Variants in HNF4A observed in about 807,000 individuals in gnomAD.
The protein encoded by HNF4A is hepatocyte nuclear factor 4-alpha.
In HNF4A, 15 loss-of-function variants were observed where a neutral mutation model predicts 52.4. The observed-to-expected ratio is 0.29, with a 90% confidence interval of 0.19 to 0.44. HNF4A has a LOEUF of 0.44. Ranked by LOEUF, HNF4A falls within the 20% of genes least tolerant of loss-of-function variation. HNF4A has a pLI of 1.00. For synonymous variants in HNF4A, 280 were observed against 264.4 expected (o/e 1.06, Z -0.57); for missense variants, 479 against 647.2 (o/e 0.74, Z 2.82).
chr20:44,413,941 C>T (rs2063623792), intron 4 of HNF4A, 141 bp downstream of exon 4: 3 of 694,634 alleles, frequency 4.3e-6, no homozygotes, highest in Non-Finnish European at 7.8e-6. Flanking sequence ...ACACTGAGTC[C>T]GGTTTCACAT....
At chr20:44,414,949 G>T (rs1397694210) in intron 5 of HNF4A, among the ~76,000 whole-genome samples, 1 of 152,196 alleles carries the variant, frequency 6.6e-6, no homozygotes, top group Non-Finnish European at 1.5e-5. Context: ...AGGTCACATA[G>T]CTACTATCCA....
intron 1 of HNF4A, chr20:44,402,594 T>C (rs1223972858): frequency 7.3e-7 from 1 of 1,365,934 alleles, no homozygotes; most frequent in Non-Finnish European, 9.8e-7. Context: ...AGGCATCCCC[T>C]CCGACATCAC....
chr20:44,367,833 GTCA>G (rs1164578789), intron 1 of HNF4A, among the ~76,000 whole-genome samples: 1 of 151,778 alleles, frequency 6.6e-6, no homozygotes, highest in East Asian at 1.9e-4. Context: ...GGTAGGTACT[GTCA>G]TCATACCCAT....
chr20:44,401,536 C>G (rs1178549471), intron 1 of HNF4A: 1 of 1,608,928 alleles, frequency 6.2e-7, no homozygotes, highest in South Asian at 1.1e-5. Flanking sequence ...GCAGGTGTGC[C>G]TGGGTCCAGG....
chr20:44,410,595 T>C (rs187769987), intron 3 of HNF4A, among the ~76,000 whole-genome samples: 56 of 152,184 alleles, frequency 3.7e-4, no homozygotes, highest in African/African-American at 1.3e-3. Context: ...TTTTTCTTGA[T>C]GACCTTAGGA....
chr20:44,398,770 G>A (rs2063375948), upstream of HNF4A, among the ~76,000 whole-genome samples: 1 of 152,194 alleles, frequency 6.6e-6, no homozygotes, highest in Non-Finnish European at 1.5e-5. Flanking sequence ...AACGGGTCAT[G>A]GCTGTGGCAT....
intron 1 of HNF4A, among the ~76,000 whole-genome samples, chr20:44,404,042 C>T (rs138846026): frequency 2.0e-4 from 31 of 152,308 alleles, no homozygotes; most frequent in Non-Finnish European, 3.8e-4. Context: ...GAGGGGGCTG[C>T]ACTCCTGGGG....
At chr20:44,406,808 AC>A (rs1487402440) in intron 2 of HNF4A, among the ~76,000 whole-genome samples, 1 of 152,156 alleles carries the variant, frequency 6.6e-6, no homozygotes, top group Admixed American at 6.5e-5. Flanking sequence ...ACCTGTCAAC[AC>A]CCCTGTGAGA....
chr20:44,392,271 A>G (rs2063310334), intron 1 of HNF4A, among the ~76,000 whole-genome samples: 1 of 152,218 alleles, frequency 6.6e-6, no homozygotes, highest in African/African-American at 2.4e-5. Flanking sequence ...GGAAACGATC[A>G]TCATTCCCTC....
At chr20:44,368,160 ATTTTT>A (rs1181828023) in intron 1 of HNF4A, among the ~76,000 whole-genome samples, 20 of 27,774 alleles carry the variant, frequency 7.2e-4, no homozygotes, top group African/African-American at 2.1e-3. Context: ...ATATATATAT[ATTTTT>A]TTTTTTTTTT....
chr20:44,429,764 G>A lies in HNF4A; in HGVS notation c.*99G>A. Reference sequence around the variant, plus strand: ...ACGGCAAAGGAAGACGTGATGCCAGGACCAGTCCCAGAGCAGGAATGGGAA... The same window carrying A: ...ACGGCAAAGGAAGACGTGATGCCAGAACCAGTCCCAGAGCAGGAATGGGAA... On this transcript the variant is annotated 3_prime_UTR_variant, in exon 10 of 10. Transcript: ENST00000316099. 1 of 1,266,794 alleles carries A rather than the reference G, an allele frequency of 7.9e-7. No individual in the cohort carries two copies. Among genetic ancestry groups the A allele is most frequent in the South Asian group, 1.2e-5 (1 of 80,934 alleles). 78.5% of individuals were successfully genotyped at this position (1,266,794 alleles called of 1,614,324 possible).
intron 1 of HNF4A, among the ~76,000 whole-genome samples, chr20:44,392,982 C>A (rs2063318635): frequency 6.6e-6 from 1 of 152,234 alleles, no homozygotes; most frequent in African/African-American, 2.4e-5. Context: ...CTGTACAGGG[C>A]AGTAACTCTG....
chr20:44,384,103 G>A lies in HNF4A; in HGVS notation c.50-21955G>A, dbSNP rs1381398621. Among the ~76,000 whole-genome samples the A allele has an allele frequency of 4.7e-5, 7 of 150,198 alleles. No individual in the cohort carries two copies. The East Asian group carries it at 7.8e-4, about 17-fold the overall frequency. On this transcript the variant is annotated intron_variant, in intron 1 of 9. Transcript: ENST00000316673. Reference sequence around the variant, plus strand: ...TGACCTCAGGTGATCTTCCCACCTCGGCCTCCCAAATTCCTGGGATTACAG... The same window carrying A: ...TGACCTCAGGTGATCTTCCCACCTCAGCCTCCCAAATTCCTGGGATTACAG...
At chr20:44,393,623 A>T (rs2063326037) in intron 1 of HNF4A, among the ~76,000 whole-genome samples, 1 of 152,172 alleles carries the variant, frequency 6.6e-6, no homozygotes, top group African/African-American at 2.4e-5. Flanking sequence ...TGGTGAAAAC[A>T]TTGCCTACCT....
At chr20:44,409,857 G>A (rs2146390329) in intron 3 of HNF4A, among the ~76,000 whole-genome samples, 1 of 134,306 alleles carries the variant, frequency 7.4e-6, no homozygotes, top group South Asian at 2.6e-4. Context: ...TTTTTTTTTA[G>A]ATGGAATTTC....
At chr20:44,383,243 C>G (rs939547907) in intron 1 of HNF4A, among the ~76,000 whole-genome samples, 2 of 152,200 alleles carry the variant, frequency 1.3e-5, no homozygotes, top group African/African-American at 2.4e-5. Flanking sequence ...GCCTCCATAG[C>G]ACTCACTAAG....
chr20:44,409,248 C>A (rs1370824289), intron 3 of HNF4A, among the ~76,000 whole-genome samples: 1 of 152,192 alleles, frequency 6.6e-6, no homozygotes, highest in East Asian at 1.9e-4. Context: ...CCTCCTCTCC[C>A]AAACCCAGTT....
At chr20:44,414,227 T>C (rs1239435621) in intron 4 of HNF4A, among the ~76,000 whole-genome samples, 1 of 152,208 alleles carries the variant, frequency 6.6e-6, no homozygotes. Context: ...TTTTTTGCCC[T>C]GCTTCTCCTC....
At position 44,431,657 on chromosome 20, in the gene HNF4A, CT is replaced by C. The variant is rs1448396846; in HGVS notation, c.*1993del. 2 of 152,154 alleles carry C rather than the reference CT, an allele frequency of 1.3e-5. No homozygotes were observed. The highest frequency in any genetic ancestry group is 1.5e-5 in the Non-Finnish European group (1 of 68,078). The allele number at this position is 152,154 out of a possible 1,614,324, so 9.4% of individuals were successfully genotyped here. A position where few individuals can be genotyped will look rare whatever the true frequency, so the allele number is the denominator to read the frequency against. On this transcript the variant is annotated 3_prime_UTR_variant, in exon 10 of 10. Transcript: ENST00000316099. ...GAATCTTGGTGGCTTTGAGGACATT[CT>C]GGAAAATGCCACTGACCAGTGTGAA...
Sources: gnomAD v4.1 joint callset for allele counts (sites outside exome capture counted in the v4.1 genomes callset) on GRCh38, gnomAD v4.1.1 for gene constraint, MANE v1.5 for transcripts, NCBI Gene and HGNC (gene_info 2026-07-23, HGNC 2026-07-21) for gene names.